Variants in PRKAR2B observed in about 807,000 individuals in gnomAD.
PRKAR2B encodes the protein protein kinase cAMP-dependent type II regulatory subunit beta.
Under a neutral mutation model 49.9 loss-of-function variants are expected in PRKAR2B, and 14 were observed. The observed-to-expected ratio is 0.28, with a 90% CI of 0.19 to 0.44. The LOEUF is 0.44. Ranked by LOEUF, PRKAR2B falls within the 20% of genes least tolerant of loss-of-function variation. The pLI is 1.00. For missense variants in PRKAR2B, 393 were observed against 537.9 expected, an observed-to-expected ratio of 0.73 and a Z score of 2.67; for synonymous variants, 196 against 197.7, an observed-to-expected ratio of 0.99 and a Z score of 0.07.
At chr7:107,056,285 A>T (rs534647375) in intron 1 of PRKAR2B, among the ~76,000 whole-genome samples, 33 of 152,198 alleles carry the variant, frequency 2.2e-4, no homozygotes, top group Admixed American at 5.9e-4. Context: ...CTTAGGATTG[A>T]CTTGGCAATT....
At chr7:107,102,906 G>C (rs2116815516) in intron 2 of PRKAR2B, among the ~76,000 whole-genome samples, 1 of 152,232 alleles carries the variant, frequency 6.6e-6, no homozygotes, top group South Asian at 2.1e-4. Context: ...TCTGACCTCA[G>C]GTGATCTGCC....
intron 2 of PRKAR2B, among the ~76,000 whole-genome samples, chr7:107,104,334 C>G (rs1043130511): frequency 1.8e-4 from 27 of 152,184 alleles, no homozygotes; most frequent in Non-Finnish European, 8.8e-5. Flanking sequence ...TATGCCTGCC[C>G]TCCTCGCCTC....
chr7:107,086,681 T>C (rs893571910), intron 2 of PRKAR2B, among the ~76,000 whole-genome samples: 9 of 152,202 alleles, frequency 5.9e-5, no homozygotes, highest in African/African-American at 2.2e-4. Context: ...AGGCTGGTCT[T>C]GAACTCCTGG....
intron 1 of PRKAR2B, among the ~76,000 whole-genome samples, chr7:107,052,452 T>C (rs1793826774): frequency 6.6e-6 from 1 of 152,190 alleles, no homozygotes. Flanking sequence ...TTTTATTTAA[T>C]ACTAGTTATT....
intron 2 of PRKAR2B, among the ~76,000 whole-genome samples, chr7:107,081,476 C>G (rs1464578160): frequency 7.1e-6 from 1 of 140,652 alleles, no homozygotes; most frequent in Non-Finnish European, 1.5e-5. Context: ...TTAGTCTCAT[C>G]TCTGAGAGCC....
chr7:107,149,046 T>C (rs986347782), intron 6 of PRKAR2B, among the ~76,000 whole-genome samples: 5 of 152,226 alleles, frequency 3.3e-5, no homozygotes, highest in African/African-American at 9.6e-5. Flanking sequence ...AATGGTGTTA[T>C]ACCTGATTTC....
intron 5 of PRKAR2B, 24 bp from the exon 6 acceptor site, chr7:107,146,284 C>T (rs772280759): frequency 1.3e-6 from 2 of 1,594,456 alleles, no homozygotes; most frequent in South Asian, 1.1e-5. Flanking sequence ...TTGAATTAAC[C>T]TCCAATCTAC....
At chr7:107,072,867 T>A (rs1794308431) in intron 2 of PRKAR2B, among the ~76,000 whole-genome samples, 1 of 152,188 alleles carries the variant, frequency 6.6e-6, no homozygotes, top group Admixed American at 6.5e-5. Context: ...AAAACTTTAA[T>A]GTAAGAATGG....
intron 2 of PRKAR2B, among the ~76,000 whole-genome samples, chr7:107,104,517 C>T (rs947559107): frequency 1.1e-4 from 16 of 152,144 alleles, no homozygotes; most frequent in African/African-American, 3.9e-4. Context: ...CTCATTTCCC[C>T]ACAAAATTAA....
intron 2 of PRKAR2B, among the ~76,000 whole-genome samples, chr7:107,086,650 T>G (rs937697545): frequency 6.6e-6 from 1 of 152,028 alleles, no homozygotes; most frequent in African/African-American, 2.4e-5. Flanking sequence ...TTTGTAGATA[T>G]GGGGCTTTGC....
At chr7:107,070,719 T>C (rs1428126950) in intron 2 of PRKAR2B, among the ~76,000 whole-genome samples, 2 of 152,170 alleles carry the variant, frequency 1.3e-5, no homozygotes, top group African/African-American at 2.4e-5. Context: ...ACAGTGATAA[T>C]TGAGTGAGTG....
At chr7:107,105,199 CAG>C (rs1300181762) in intron 2 of PRKAR2B, among the ~76,000 whole-genome samples, 2 of 152,122 alleles carry the variant, frequency 1.3e-5, no homozygotes, top group East Asian at 3.9e-4. Context: ...ATGTCTGAAA[CAG>C]AGGACTACTT....
chr7:107,068,871 AAAAC>A (rs1394022305), intron 1 of PRKAR2B: 1 of 152,216 alleles, frequency 6.6e-6, no homozygotes, highest in Non-Finnish European at 1.5e-5. Flanking sequence ...TGTGTGATCT[AAAAC>A]AAATTAATAA....
intron 1 of PRKAR2B, among the ~76,000 whole-genome samples, chr7:107,060,588 T>C (rs968364042): frequency 1.3e-5 from 2 of 152,116 alleles, no homozygotes; most frequent in Admixed American, 1.3e-4. Flanking sequence ...TCTTACTGAT[T>C]TGTAGAAGGA....
intron 2 of PRKAR2B, chr7:107,079,577 G>T (rs1316331978): frequency 1.3e-5 from 2 of 152,208 alleles, no homozygotes; most frequent in African/African-American, 4.8e-5. Flanking sequence ...TGGCGTGCCT[G>T]CGTTCTGCCT....
At chr7:107,092,710 T>C (rs990262366) in intron 2 of PRKAR2B, among the ~76,000 whole-genome samples, 1 of 152,222 alleles carries the variant, frequency 6.6e-6, no homozygotes, top group South Asian at 2.1e-4. Flanking sequence ...GTATTTTTAT[T>C]ACAATTTTAA....
chr7:107,153,292 C>A, intron 8 of PRKAR2B, 41 bp downstream of exon 8: 1 of 1,432,196 alleles, frequency 7.0e-7, no homozygotes, highest in Non-Finnish European at 9.6e-7. Context: ...GGGTTATATT[C>A]CAAAAGGTTC....
At chr7:107,048,293 G>A (rs1562838878) in intron 1 of PRKAR2B, among the ~76,000 whole-genome samples, 1 of 152,168 alleles carries the variant, frequency 6.6e-6, no homozygotes, top group Non-Finnish European at 1.5e-5. Context: ...AAGTAGGGAA[G>A]CCTGATTTCT....
chr7:107,067,277 G>T lies in PRKAR2B; in HGVS notation c.308-3004G>T, dbSNP rs1217216177. On this transcript the variant is annotated intron_variant, in intron 1 of 10. Transcript: ENST00000265717. The stretch of plus-strand genomic sequence containing the variant: ...TAAAAAGCTTAGAAAAATGATGAAG[G>T]TGACCGTTAACTTGCTGAAAGTTTG... The T allele has an allele frequency of 2.2e-4, 34 of 152,142 alleles. 1 individual carries two copies. Among genetic ancestry groups the T allele is most frequent in the Non-Finnish European group, 7.3e-5 (5 of 68,038 alleles). The allele number at this position is 152,142 out of a possible 1,614,324, so 9.4% of individuals were successfully genotyped here. A position where few individuals can be genotyped will look rare whatever the true frequency, so the allele number is the denominator to read the frequency against.
Sources: allele counts gnomAD v4.1 joint callset (sites outside exome capture counted in the v4.1 genomes callset), GRCh38; gene constraint gnomAD v4.1.1; transcripts MANE v1.5; gene names NCBI Gene and HGNC (gene_info 2026-07-23, HGNC 2026-07-21).